The following PLAC1 variants were observed in gnomAD, a reference collection of about 807,000 sequenced individuals.
PLAC1 encodes the protein placenta associated 1.
For synonymous variants in PLAC1, 68 were observed against 62.1 expected, an observed-to-expected ratio of 1.09 and a Z score of -0.44; for missense variants, 136 against 163.2, an observed-to-expected ratio of 0.83 and a Z score of 0.91.
intron 2 of PLAC1, among the ~76,000 whole-genome samples, chrX:134,589,947 G>A (rs1378075745): frequency 1.2e-4 from 13 of 111,030 alleles, no homozygotes; most frequent in Non-Finnish European, 2.5e-4. Flanking sequence ...TGTAATCCCA[G>A]CACTTTGGGA....
intron 2 of PLAC1, among the ~76,000 whole-genome samples, chrX:134,596,120 T>C (rs1217589309): frequency 9.0e-6 from 1 of 111,676 alleles, no homozygotes; most frequent in East Asian, 2.8e-4. Context: ...ACCTTACTTC[T>C]GTTAATGTCT....
intron 1 of PLAC1, among the ~76,000 whole-genome samples, chrX:134,657,098 G>A (rs538009661): frequency 1.8e-5 from 2 of 111,731 alleles, no homozygotes; most frequent in African/African-American, 6.5e-5. Flanking sequence ...CTTTAACTCT[G>A]ATTGTCTCTA....
At position 134,756,210 on chromosome X, in the gene PLAC1, AC is replaced by A. The variant is rs199598016; in HGVS notation, n.89+8023del. 8.0e-3 allele frequency among the ~76,000 whole-genome samples: 881 copies of A among 110,012 alleles called. 5 individuals are homozygous for A. The highest frequency in any genetic ancestry group is 0.013 in the Non-Finnish European group (709 of 52,744). On this transcript the variant is annotated intron_variant and non_coding_transcript_variant, in intron 1 of 2. Coordinates refer to the PLAC1 transcript ENST00000466797. ...TTTTGCCATGCAAAAAAAGGTTTTT[AC>A]TTTGATTTTTATGTACTTGAAAATA...
At chrX:134,686,625 G>A (rs2147818900) in intron 2 of PLAC1, among the ~76,000 whole-genome samples, 1 of 111,729 alleles carries the variant, frequency 9.0e-6, no homozygotes, top group East Asian at 2.8e-4. Flanking sequence ...TTATGTTATT[G>A]TAACTTTTTA....
At chrX:134,707,200 G>T (rs1487210475) in intron 2 of PLAC1, among the ~76,000 whole-genome samples, 1 of 112,402 alleles carries the variant, frequency 8.9e-6, no homozygotes, top group Non-Finnish European at 1.9e-5. Flanking sequence ...GAAAAGAACT[G>T]CCAGCACAGA....
intron 1 of PLAC1, among the ~76,000 whole-genome samples, chrX:134,611,190 T>C (rs2124397472): frequency 9.0e-6 from 1 of 111,461 alleles, no homozygotes; most frequent in South Asian, 3.8e-4. Flanking sequence ...TATACTTTTA[T>C]GATAAAGGTA....
chrX:134,681,409 G>A lies in PLAC1; in HGVS notation n.174+52026C>T, dbSNP rs370778767. 3.6e-5 allele frequency among the ~76,000 whole-genome samples: 4 copies of A among 111,470 alleles called. No individual in the cohort carries two copies. The East Asian group carries it at 1.1e-3, about 31-fold the overall frequency. ...GCAGTGGGGGATAGACTGAGCTACAGTGTAGAAGTGAAATGGCATTATATA... is the reference window on the plus strand; with the variant it reads ...GCAGTGGGGGATAGACTGAGCTACAATGTAGAAGTGAAATGGCATTATATA... On this transcript the variant is annotated intron_variant and non_coding_transcript_variant, in intron 2 of 2. Coordinates refer to the PLAC1 transcript ENST00000466797.
chrX:134,611,994 T>C (rs1420214399), intron 1 of PLAC1, among the ~76,000 whole-genome samples: 1 of 111,894 alleles, frequency 8.9e-6, no homozygotes, highest in East Asian at 2.8e-4. Flanking sequence ...TCAGCCGAGA[T>C]GTAATTGCTC....
chrX:134,681,640 A>G (rs1302484409), intron 2 of PLAC1, among the ~76,000 whole-genome samples: 1 of 111,894 alleles, frequency 8.9e-6, no homozygotes, highest in East Asian at 2.8e-4. Flanking sequence ...GGTAAAGATG[A>G]AAAAGCATGA....
rs184438709 is a variant in PLAC1, at chrX:134,632,479, C to T, written c.-131+25849G>A. ...ATCCTCCCTTCTTCTCTGTCACCAT[C>T]GCTACTGCTTTGGGTCAGGGCCATA... On this transcript the variant is annotated intron_variant, in intron 1 of 2. Transcript: ENST00000359237. Among the ~76,000 whole-genome samples, 4 of 111,311 alleles carry T rather than the reference C, an allele frequency of 3.6e-5. No homozygotes were observed. In the South Asian group the frequency reaches 1.2e-3, roughly 32 times the overall value.
chrX:134,577,557 C>T (rs1362605463), intron 2 of PLAC1, among the ~76,000 whole-genome samples: 6 of 111,516 alleles, frequency 5.4e-5, no homozygotes, highest in African/African-American at 6.5e-5. Context: ...GGCGTGGTGG[C>T]GCATGCCTGT....
At chrX:134,676,371 C>T in intron 2 of PLAC1, among the ~76,000 whole-genome samples, 1 of 111,393 alleles carries the variant, frequency 9.0e-6, no homozygotes, top group Non-Finnish European at 1.9e-5. Flanking sequence ...CCTCCGCTGA[C>T]ATTATGGGGG....
intron 1 of PLAC1, among the ~76,000 whole-genome samples, chrX:134,763,746 G>A (rs766444449): frequency 2.8e-5 from 3 of 108,282 alleles, no homozygotes; most frequent in Non-Finnish European, 3.8e-5. Flanking sequence ...GCTTGAACCC[G>A]GGAGGCGGAG....
chrX:134,708,754 TCTCGAC>T (rs1474056326), intron 2 of PLAC1, among the ~76,000 whole-genome samples: 135 of 110,870 alleles, frequency 1.2e-3, no homozygotes, highest in African/African-American at 4.2e-3. Flanking sequence ...GTCAGGCTGG[TCTCGAC>T]CTCCCAAACT....
chrX:134,599,327 A>G (rs1338341678), intron 2 of PLAC1: 1 of 110,851 alleles, frequency 9.0e-6, no homozygotes, highest in East Asian at 2.8e-4. Flanking sequence ...GGTGGGAGGT[A>G]ATTGAATCAT....
chrX:134,616,657 C>A (rs112739066), intron 1 of PLAC1, among the ~76,000 whole-genome samples: 12,555 of 109,300 alleles, frequency 0.11, 1,735 homozygotes, highest in African/African-American at 0.39. Flanking sequence ...AACAAAACAA[C>A]AAAAAAAAAT....
rs1027159802 is a variant in PLAC1 at position 134,626,834 on chromosome X, A to G, written c.-130-24712T>C. On this transcript the variant is annotated intron_variant, in intron 1 of 2. Coordinates refer to ENST00000359237, the MANE Select transcript of PLAC1 (RefSeq NM_021796.4). ...CTAAAAACAATAGCCAACCTTCTCA[A>G]CTACAAACAAAATCAAGTTGTTATT... 7.1e-5 allele frequency among the ~76,000 whole-genome samples: 8 copies of G among 112,296 alleles called. No homozygotes were observed. The Admixed American group carries it at 7.5e-4, about 11-fold the overall frequency.
At chrX:134,739,193 A>G (rs898600850) in intron 1 of PLAC1, among the ~76,000 whole-genome samples, 1 of 112,252 alleles carries the variant, frequency 8.9e-6, no homozygotes, top group Admixed American at 9.5e-5. Flanking sequence ...TGGTGAAACA[A>G]CTTTATGAGG....
upstream of PLAC1, among the ~76,000 whole-genome samples, chrX:134,662,305 C>T (rs2078419331): frequency 1.8e-5 from 2 of 112,168 alleles, no homozygotes; most frequent in Admixed American, 9.4e-5. Flanking sequence ...TATTTGACTA[C>T]ACTTTGCTAT....
Sources: allele counts gnomAD v4.1 joint callset (sites outside exome capture counted in the v4.1 genomes callset), GRCh38; gene constraint gnomAD v4.1.1; transcripts MANE v1.5; gene names NCBI Gene and HGNC (gene_info 2026-07-23, HGNC 2026-07-21).